SPOCK1: variants seen among roughly 807,000 people sequenced by gnomAD.
SPOCK1 encodes the protein testican-1.
A neutral mutation model predicts 55.3 loss-of-function variants in SPOCK1; 23 were observed. That is an observed-to-expected ratio of 0.42 (90% CI 0.30 to 0.59). The LOEUF is 0.59. SPOCK1 is among the 20% of genes least tolerant of loss of function. The pLI, the probability that SPOCK1 is intolerant of heterozygous loss-of-function variation, is 0.22. For missense variants in SPOCK1, 499 were observed against 552.5 expected (o/e 0.90, Z 0.97); for synonymous variants, 226 against 221.0 (o/e 1.02, Z -0.20).
intron 2 of SPOCK1, among the ~76,000 whole-genome samples, chr5:137,457,056 G>C (rs1174383103): frequency 1.3e-5 from 2 of 152,174 alleles, no homozygotes; most frequent in Non-Finnish European, 2.9e-5. Flanking sequence ...AGTTTAGCTT[G>C]ATATTCAGTA....
intron 2 of SPOCK1, among the ~76,000 whole-genome samples, chr5:137,463,060 A>C (rs1038650624): frequency 1.3e-5 from 2 of 152,246 alleles, no homozygotes; most frequent in African/African-American, 4.8e-5. Context: ...ACGAGGAGTC[A>C]TCACTGAAGC....
chr5:137,063,239 C>CA (rs34720226), intron 6 of SPOCK1, among the ~76,000 whole-genome samples: 3,207 of 100,070 alleles, frequency 0.032, 139 homozygotes, highest in African/African-American at 0.083. Context: ...GACTCCATCT[C>CA]AAAAAAAAAA....
chr5:137,366,547 C>T (rs1181703513), intron 2 of SPOCK1, among the ~76,000 whole-genome samples: 1 of 152,154 alleles, frequency 6.6e-6, no homozygotes, highest in African/African-American at 2.4e-5. Context: ...GCCCTAAATC[C>T]TTCCACCAAA....
At chr5:137,184,760 T>A (rs114934642) in intron 3 of SPOCK1, among the ~76,000 whole-genome samples, 217 of 152,084 alleles carry the variant, frequency 1.4e-3, no homozygotes, top group African/African-American at 5.1e-3. Context: ...TCTCTCCAAC[T>A]CCTCCATCAC....
chr5:137,451,611 A>C (rs1487635226), intron 2 of SPOCK1, among the ~76,000 whole-genome samples: 1 of 152,222 alleles, frequency 6.6e-6, no homozygotes, highest in Non-Finnish European at 1.5e-5. Context: ...TGAATATTTA[A>C]CAAGCAACAT....
At chr5:137,082,515 C>G (rs1464614205) in intron 5 of SPOCK1, among the ~76,000 whole-genome samples, 1 of 152,136 alleles carries the variant, frequency 6.6e-6, no homozygotes, top group Non-Finnish European at 1.5e-5. Context: ...CGCAGGCATT[C>G]AGGGACAAGA....
At chr5:137,066,302 C>T (rs1200511415) in intron 6 of SPOCK1, among the ~76,000 whole-genome samples, 1 of 152,126 alleles carries the variant, frequency 6.6e-6, no homozygotes, top group Non-Finnish European at 1.5e-5. Flanking sequence ...CCACACCTGA[C>T]TGATTTTTGT....
chr5:137,278,346 C>T (rs1757108139), intron 2 of SPOCK1, among the ~76,000 whole-genome samples: 1 of 152,192 alleles, frequency 6.6e-6, no homozygotes, highest in Non-Finnish European at 1.5e-5. Context: ...GATAATTCTC[C>T]TTTGAAATTT....
At chr5:137,254,134 T>C (rs1297701646) in intron 3 of SPOCK1, among the ~76,000 whole-genome samples, 1 of 152,220 alleles carries the variant, frequency 6.6e-6, no homozygotes, top group Non-Finnish European at 1.5e-5. Context: ...ATCATAATTA[T>C]TAGCAGATGC....
At chr5:137,215,135 T>C (rs1755692357) in intron 3 of SPOCK1, among the ~76,000 whole-genome samples, 1 of 152,222 alleles carries the variant, frequency 6.6e-6, no homozygotes, top group South Asian at 2.1e-4. Flanking sequence ...TCTGAACACT[T>C]ACTATGTGCC....
chr5:137,249,461 T>C (rs1756464340), intron 3 of SPOCK1, among the ~76,000 whole-genome samples: 1 of 152,162 alleles, frequency 6.6e-6, no homozygotes, highest in South Asian at 2.1e-4. Flanking sequence ...AGCACTAAGA[T>C]GTATTACATG....
chr5:137,161,903 A>T (rs568712196), intron 3 of SPOCK1, among the ~76,000 whole-genome samples: 1 of 152,296 alleles, frequency 6.6e-6, no homozygotes, highest in South Asian at 2.1e-4. Context: ...TATTCTGGGT[A>T]AGATCTAAGA....
At chr5:137,418,278 T>A (rs2149824487) in intron 2 of SPOCK1, among the ~76,000 whole-genome samples, 1 of 152,252 alleles carries the variant, frequency 6.6e-6, no homozygotes, top group Admixed American at 6.5e-5. Flanking sequence ...TGTACATGTG[T>A]CTTTATAGCA....
chr5:137,465,055 G>A (rs987964933), intron 2 of SPOCK1, among the ~76,000 whole-genome samples: 1 of 152,190 alleles, frequency 6.6e-6, no homozygotes, highest in Non-Finnish European at 1.5e-5. Flanking sequence ...AGCCACTGGA[G>A]AGGAAGGGAG....
chr5:137,127,880 G>A (rs1224480332), intron 4 of SPOCK1, among the ~76,000 whole-genome samples: 1 of 152,222 alleles, frequency 6.6e-6, no homozygotes, highest in African/African-American at 2.4e-5. Flanking sequence ...TAAAGTTGAT[G>A]TTGGAATGAA....
chr5:137,468,229 A>G (rs760793585), intron 2 of SPOCK1, among the ~76,000 whole-genome samples: 20 of 152,214 alleles, frequency 1.3e-4, no homozygotes, highest in Non-Finnish European at 2.9e-4. Flanking sequence ...TCCTGCAGTT[A>G]AAGAGAACAG....
intron 2 of SPOCK1, among the ~76,000 whole-genome samples, chr5:137,312,839 G>C (rs1473808869): frequency 1.3e-5 from 2 of 152,216 alleles, no homozygotes; most frequent in Non-Finnish European, 2.9e-5. Flanking sequence ...TTGTCCACTT[G>C]CAGGAGATTC....
intron 3 of SPOCK1, among the ~76,000 whole-genome samples, chr5:137,175,939 T>A (rs1311569189): frequency 6.6e-6 from 1 of 152,154 alleles, no homozygotes; most frequent in African/African-American, 2.4e-5. Flanking sequence ...CAATAAAAAT[T>A]TATCTGCAAT....
chr5:137,441,787 C>T (rs1379119398), intron 2 of SPOCK1, among the ~76,000 whole-genome samples: 1 of 152,164 alleles, frequency 6.6e-6, no homozygotes, highest in African/African-American at 2.4e-5. Flanking sequence ...CAAGAGATCT[C>T]AAACAAAGGG....
Sources: allele counts gnomAD v4.1 joint callset (sites outside exome capture counted in the v4.1 genomes callset), GRCh38; gene constraint gnomAD v4.1.1; transcripts MANE v1.5; gene names NCBI Gene and HGNC (gene_info 2026-07-23, HGNC 2026-07-21).